Variants in CAMKMT observed in about 807,000 individuals in gnomAD.
The protein encoded by CAMKMT is CaM KMT.
A neutral mutation model predicts 48.0 loss-of-function variants in CAMKMT; 53 were observed. The ratio of observed to expected loss-of-function variants is 1.10; its 90% CI spans 0.89 to 1.39. The LOEUF is 1.39. CAMKMT is among the 40% of genes most tolerant of loss of function. The pLI is 0.00. For synonymous variants in CAMKMT, 165 were observed against 152.3 expected, an observed-to-expected ratio of 1.08 and a Z score of -0.61; for missense variants, 428 against 402.7, an observed-to-expected ratio of 1.06 and a Z score of -0.54.
chr2:44,651,311 C>G (rs895808410), intron 3 of CAMKMT, among the ~76,000 whole-genome samples: 2 of 152,202 alleles, frequency 1.3e-5, no homozygotes, highest in Admixed American at 1.3e-4. Context: ...ACTTACGCAT[C>G]CTTTTTTTGG....
chr2:44,538,577 A>C (rs1391551446), intron 3 of CAMKMT, among the ~76,000 whole-genome samples: 2 of 152,090 alleles, frequency 1.3e-5, no homozygotes, highest in Non-Finnish European at 2.9e-5. Flanking sequence ...AACTATGAGA[A>C]TGCAAAGATA....
intron 3 of CAMKMT, among the ~76,000 whole-genome samples, chr2:44,553,196 GT>G (rs1309613273): frequency 2.0e-5 from 3 of 152,162 alleles, no homozygotes; most frequent in Non-Finnish European, 4.4e-5. Flanking sequence ...TACTACTGGT[GT>G]TCTGTTCACT....
In CAMKMT at chr2:44,453,068, T is replaced by G. The variant is rs571429956; in HGVS notation, c.376+62763T>G. The stretch of plus-strand genomic sequence containing the variant: ...TATGCTGCAGGAGTGATGCTTCCAG[T>G]TAACAACTTATCATGTATTCATGGA... On this transcript the variant is annotated intron_variant, in intron 3 of 10. Coordinates refer to ENST00000378494, the MANE Select transcript of CAMKMT (RefSeq NM_024766.5). 8.5e-4 allele frequency among the ~76,000 whole-genome samples: 130 copies of G among 152,176 alleles called. 1 individual carries two copies. Among genetic ancestry groups the G allele is most frequent in the African/African-American group, 3.1e-3 (128 of 41,562 alleles).
intron 3 of CAMKMT, among the ~76,000 whole-genome samples, chr2:44,556,137 T>C (rs1023858080): frequency 2.6e-5 from 4 of 151,694 alleles, no homozygotes; most frequent in Admixed American, 1.3e-4. Context: ...ATTTTTTATT[T>C]TTATTTATTT....
chr2:44,683,822 C>A (rs1358391272), intron 3 of CAMKMT, among the ~76,000 whole-genome samples: 230 of 70,888 alleles, frequency 3.2e-3, no homozygotes, highest in Admixed American at 6.2e-3. Context: ...GACTCTGTCT[C>A]AAAAAAAAAA....
At chr2:44,565,997 A>G in intron 3 of CAMKMT, among the ~76,000 whole-genome samples, 1 of 152,216 alleles carries the variant, frequency 6.6e-6, no homozygotes, top group East Asian at 1.9e-4. Context: ...CTGTGGGGTA[A>G]ATTAGATGGC....
Position 44,670,600 on chromosome 2 carries a change from T to C in CAMKMT, c.377-33683T>C, listed in dbSNP as rs112322464. Among the ~76,000 whole-genome samples, 289 of 152,246 alleles carry C rather than the reference T, an allele frequency of 1.9e-3. 1 individual carries two copies. Among genetic ancestry groups the C allele is most frequent in the African/African-American group, 6.7e-3 (277 of 41,560 alleles). On this transcript the variant is annotated intron_variant, in intron 3 of 10. Transcript: ENST00000378494. ...CCCAGTGTTAAAGGCTGCAGAGAGC[T>C]ATGATCATGCTACGATAATGCCACT... is the stretch of plus-strand genomic sequence containing the variant.
chr2:44,644,174 G>A (rs1039002864), intron 3 of CAMKMT, among the ~76,000 whole-genome samples: 1 of 152,174 alleles, frequency 6.6e-6, no homozygotes, highest in Non-Finnish European at 1.5e-5. Context: ...GCTGTCAGTG[G>A]AGAATGTCAG....
chr2:44,722,840 A>T (rs926270828), intron 7 of CAMKMT, among the ~76,000 whole-genome samples: 3 of 152,196 alleles, frequency 2.0e-5, no homozygotes, highest in African/African-American at 4.8e-5. Context: ...GATACTTGAA[A>T]CGGAAAATAT....
rs542332931 is a variant in CAMKMT, at chr2:44,372,827, G to A, written c.250G>A (p.Glu84Lys). 9.5e-5 allele frequency: 153 copies of A among 1,613,952 alleles called. 2 individuals carry two copies. The South Asian group carries it at 1.6e-3, about 17-fold the overall frequency. Residue 84 changes from glutamate (E) to lysine (K), a missense_variant, in exon 2 of 11, where the codon GAG becomes AAG. Coordinates refer to ENST00000378494, the MANE Select transcript of CAMKMT (RefSeq NM_024766.5). Reference sequence around the variant, plus strand: ...AGGCAAAGAAAGGGAAACTGAAGAGGAGGTTGGTGCATGGGTCCAATATAC... The same window carrying A: ...AGGCAAAGAAAGGGAAACTGAAGAGAAGGTTGGTGCATGGGTCCAATATAC... ...TEGKERETEE[E>K]VGAWVQYTSI... is the part of the protein sequence containing the mutation.
chr2:44,362,860 C>G (rs1678084970), intron 1 of CAMKMT, among the ~76,000 whole-genome samples: 1 of 152,200 alleles, frequency 6.6e-6, no homozygotes, highest in Admixed American at 6.5e-5. Flanking sequence ...GACGGAAGTT[C>G]TGATTTATGA....
intron 3 of CAMKMT, among the ~76,000 whole-genome samples, chr2:44,510,184 C>G (rs567775744): frequency 6.6e-6 from 1 of 152,170 alleles, no homozygotes; most frequent in African/African-American, 2.4e-5. Context: ...ATGATCCAAT[C>G]CAAGAGCACA....
At chr2:44,471,919 GAT>G (rs2104653027) in intron 3 of CAMKMT, among the ~76,000 whole-genome samples, 1 of 152,146 alleles carries the variant, frequency 6.6e-6, no homozygotes, top group East Asian at 1.9e-4. Flanking sequence ...GACCTCAAGT[GAT>G]CCACCTGCCT....
At chr2:44,755,669 T>C (rs1680342423) in intron 9 of CAMKMT, among the ~76,000 whole-genome samples, 1 of 152,164 alleles carries the variant, frequency 6.6e-6, no homozygotes, top group African/African-American at 2.4e-5. Flanking sequence ...AAGCTATGAA[T>C]AGACCTAAAC....
At chr2:44,580,243 AAAAAT>A (rs367927902) in intron 3 of CAMKMT, among the ~76,000 whole-genome samples, 13 of 140,018 alleles carry the variant, frequency 9.3e-5, no homozygotes, top group African/African-American at 3.1e-4. Flanking sequence ...ATCAGGGCTC[AAAAAT>A]AAAATAAAAT....
chr2:44,592,327 G>A (rs765561707), intron 3 of CAMKMT, among the ~76,000 whole-genome samples: 1 of 151,904 alleles, frequency 6.6e-6, no homozygotes, highest in Non-Finnish European at 1.5e-5. Context: ...CAAAGAACTT[G>A]TGCCTTCCAT....
At chr2:44,446,782 T>C (rs1304209735) in intron 3 of CAMKMT, among the ~76,000 whole-genome samples, 4 of 152,258 alleles carry the variant, frequency 2.6e-5, no homozygotes, top group Non-Finnish European at 5.9e-5. Flanking sequence ...CAGTCCAGCA[T>C]TGAGGCCTTT....
chr2:44,370,251 C>G (rs1452840701), intron 1 of CAMKMT, among the ~76,000 whole-genome samples: 1 of 152,176 alleles, frequency 6.6e-6, no homozygotes, highest in Non-Finnish European at 1.5e-5. Context: ...GTAAGACTTG[C>G]ATTAATTCTT....
chr2:44,651,089 T>C (rs2104036981), intron 3 of CAMKMT, among the ~76,000 whole-genome samples: 1 of 152,344 alleles, frequency 6.6e-6, no homozygotes, highest in Middle Eastern at 3.4e-3. Flanking sequence ...CTGATGGTGA[T>C]ATAAATTGAT....
Sources: allele counts gnomAD v4.1 joint callset (sites outside exome capture counted in the v4.1 genomes callset), GRCh38; gene constraint gnomAD v4.1.1; transcripts MANE v1.5; gene names NCBI Gene and HGNC (gene_info 2026-07-23, HGNC 2026-07-21).